The following CRHR2 variants were observed in gnomAD, a reference collection of about 807,000 sequenced individuals.
CRHR2 encodes corticotropin-releasing hormone receptor 2.
Under a neutral mutation model 57.9 loss-of-function variants are expected in CRHR2, and 53 were observed. The observed-to-expected ratio is 0.92, with a 90% confidence interval of 0.73 to 1.15. The LOEUF (loss-of-function observed/expected upper bound fraction) is 1.15, where lower values mean the gene tolerates loss of function less well. CRHR2 is among the 50% of genes most tolerant of loss of function. The pLI, the probability that CRHR2 is intolerant of heterozygous loss-of-function variation, is 0.00. For synonymous variants in CRHR2, 213 were observed against 220.9 expected (o/e 0.96, Z 0.32); for missense variants, 532 against 542.6 (o/e 0.98, Z 0.19).
At position 30,682,340 on chromosome 7, in the gene CRHR2, G is replaced by GCC; in HGVS notation, c.-61_-60insGG. ...AGTGCGCGCCCGGCGTGACTGCGAG[G>GCC]GAGTGGACGCGAGAGTGAGCGGCCG... On this transcript the variant is annotated 5_prime_UTR_variant, in exon 1 of 12. Transcript: ENST00000471646. The GCC allele has an allele frequency of 6.8e-7, 1 of 1,468,346 alleles. No homozygotes were observed. The highest frequency in any genetic ancestry group is 9.0e-7 in the Non-Finnish European group (1 of 1,112,146). The allele number at this position is 1,468,346 out of a possible 1,614,324, so 91.0% of individuals were successfully genotyped here.
At chr7:30,669,342 C>T (rs1463152933) in intron 2 of CRHR2, among the ~76,000 whole-genome samples, 2 of 152,144 alleles carry the variant, frequency 1.3e-5, no homozygotes, top group Non-Finnish European at 2.9e-5. Flanking sequence ...CCATGACCAG[C>T]CTGGAGCTGT....
At chr7:30,672,069 A>AAGGTTGGGG (rs1784380409) in intron 2 of CRHR2, among the ~76,000 whole-genome samples, 1 of 152,206 alleles carries the variant, frequency 6.6e-6, no homozygotes, top group Non-Finnish European at 1.5e-5. Context: ...GCCTATCTCT[A>AAGGTTGGGG]AGGTTGGGGA....
intron 2 of CRHR2, among the ~76,000 whole-genome samples, chr7:30,670,698 T>C (rs574901251): frequency 4.6e-5 from 7 of 152,186 alleles, no homozygotes; most frequent in Non-Finnish European, 1.0e-4. Flanking sequence ...AGAAAGAATC[T>C]CATCCACCCC....
intron 2 of CRHR2, among the ~76,000 whole-genome samples, chr7:30,679,144 C>G (rs958184407): frequency 6.6e-6 from 1 of 152,216 alleles, no homozygotes; most frequent in Non-Finnish European, 1.5e-5. Flanking sequence ...TCTCCTGTGC[C>G]TATTACACTC....
chr7:30,682,088 C>G (rs769459689), intron 1 of CRHR2, 48 bp from the exon 2 acceptor site: 3 of 1,545,960 alleles, frequency 1.9e-6, no homozygotes, highest in South Asian at 1.2e-5. Flanking sequence ...CCCGCAGGGA[C>G]GCGGGGCTCT....
At position 30,655,628 on chromosome 7, in the gene CRHR2, C is replaced by G; in HGVS notation, c.1005G>C (p.Leu335=). The stretch of plus-strand genomic sequence containing the variant: ...TGAAATAGATGAACATGATCTGTGA[C>G]AGGTCGTCCTCCCCGGGATTGACGA... ...LFFVNPGEDD[L]SQIMFIYFNS... is the part of the protein sequence containing the mutation. The change falls in exon 10 of 12, where the codon CTG becomes CTC. Residue 335 remains leucine (L), a synonymous_variant. Coordinates refer to ENST00000471646, the MANE Select transcript of CRHR2 (RefSeq NM_001883.5). 2 of 1,614,150 alleles carry G rather than the reference C, an allele frequency of 1.2e-6. No homozygotes were observed. The highest frequency in any genetic ancestry group is 1.7e-6 in the Non-Finnish European group (2 of 1,179,992).
chr7:30,672,705 G>A (rs1784403839), intron 2 of CRHR2, among the ~76,000 whole-genome samples: 1 of 152,250 alleles, frequency 6.6e-6, no homozygotes, highest in African/African-American at 2.4e-5. Flanking sequence ...GGGGAGGGGT[G>A]TCAGTCTCAA....
chr7:30,663,716 T>C (rs951110524), intron 5 of CRHR2, among the ~76,000 whole-genome samples: 6 of 152,182 alleles, frequency 3.9e-5, no homozygotes, highest in Non-Finnish European at 8.8e-5. Flanking sequence ...GGTCTAGACA[T>C]TGGGCTTCCA....
chr7:30,680,637 TCTTA>T (rs1784669083), intron 2 of CRHR2, among the ~76,000 whole-genome samples: 1 of 152,010 alleles, frequency 6.6e-6, no homozygotes, highest in Admixed American at 6.5e-5. Context: ...AGCTTGGGGA[TCTTA>T]CTTCCTTCTA....
intron 6 of CRHR2, 94 bp from the exon 7 acceptor site, chr7:30,662,310 T>C (rs1784035129): frequency 6.2e-6 from 9 of 1,440,350 alleles, no homozygotes; most frequent in Non-Finnish European, 8.7e-6. Flanking sequence ...GCTAGGATCA[T>C]GTTTTTACTC....
intron 2 of CRHR2, among the ~76,000 whole-genome samples, chr7:30,671,395 T>A (rs1406205715): frequency 6.6e-6 from 1 of 151,888 alleles, no homozygotes; most frequent in East Asian, 1.9e-4. Flanking sequence ...TTGGTGGTAG[T>A]TTTGGGGGAA....
At position 30,653,619 on chromosome 7, in the gene CRHR2, C is replaced by A; in HGVS notation, c.1096-19G>T. The A allele has an allele frequency of 6.3e-7, 1 of 1,597,578 alleles. No homozygotes were observed. The highest frequency in any genetic ancestry group is 8.5e-7 in the Non-Finnish European group (1 of 1,174,862). On this transcript the variant is annotated intron_variant, in intron 11 of 11. Transcript: ENST00000471646. The surrounding 1 kb of genome is among the most constrained non-coding windows in gnomAD (Gnocchi z 5.0). ...AGCGCACCTGTGGGGAAGGCAGAGGCTCAGCTGGCTCCCAGGGACCAACCC... is the reference window on the plus strand; with the variant it reads ...AGCGCACCTGTGGGGAAGGCAGAGGATCAGCTGGCTCCCAGGGACCAACCC...
chr7:30,667,440 A>T (rs1330602711), intron 2 of CRHR2, 127 bp from the exon 3 acceptor site: 1 of 676,418 alleles, frequency 1.5e-6, no homozygotes, highest in African/African-American at 1.8e-5. Flanking sequence ...TACAATGTGC[A>T]TCTGAAAGTT....
At position 30,653,643 on chromosome 7, in the gene CRHR2, C is replaced by T; in HGVS notation, c.1096-43G>A. ...GCTCAGCTGGCTCCCAGGGACCAAC[C>T]CTGGGCTTCTGGGACCATCCCCTCC... On this transcript the variant is annotated intron_variant, in intron 11 of 11. Coordinates refer to ENST00000471646, the MANE Select transcript of CRHR2 (RefSeq NM_001883.5). This position sits in a 1 kb window ranked among gnomAD's most constrained non-coding sequence, Gnocchi z 5.0. 6.4e-7 allele frequency: 1 copy of T among 1,565,512 alleles called. No individual in the cohort carries two copies. The highest frequency in any genetic ancestry group is 8.6e-7 in the Non-Finnish European group (1 of 1,161,632).
chr7:30,695,433 C>T (rs1248322253), intron 1 of CRHR2, among the ~76,000 whole-genome samples: 1 of 152,114 alleles, frequency 6.6e-6, no homozygotes, highest in Non-Finnish European at 1.5e-5. Context: ...GGCCTCTCCT[C>T]ATTCTGCTGT....
At chr7:30,661,789 T>C (rs1043076982) in intron 7 of CRHR2, among the ~76,000 whole-genome samples, 3 of 152,016 alleles carry the variant, frequency 2.0e-5, no homozygotes, top group African/African-American at 7.2e-5. Context: ...TCATGGACTC[T>C]TTAAATGCTC....
rs139890414 is a variant in CRHR2 at position 30,681,964 on chromosome 7, C to T, written c.180G>A (p.Val60=). 57 of 1,611,488 alleles carry T rather than the reference C, an allele frequency of 3.5e-5. No homozygotes were observed. Among genetic ancestry groups the T allele is most frequent in the Non-Finnish European group, 4.5e-5 (53 of 1,179,316 alleles). The change falls in exon 2 of 12, where the codon GTG becomes GTA. Residue 60 remains valine (V), a synonymous_variant. Transcript: ENST00000471646. ...CWPRSAAGAL[V]ERPCPEYFNG... ...TGAAGTACTCGGGGCACGGCCTCTCCACGAGGGCTCCGGCAGCGCTGCGGG... is the reference window on the plus strand; with the variant it reads ...TGAAGTACTCGGGGCACGGCCTCTCTACGAGGGCTCCGGCAGCGCTGCGGG...
At chr7:30,692,660 G>A (rs1246013223) in intron 1 of CRHR2, among the ~76,000 whole-genome samples, 1 of 152,172 alleles carries the variant, frequency 6.6e-6, no homozygotes, top group East Asian at 1.9e-4. Context: ...AGAAGAAGAG[G>A]GGAGACAGGC....
intron 7 of CRHR2, among the ~76,000 whole-genome samples, chr7:30,660,878 T>C (rs543204464): frequency 2.0e-4 from 31 of 152,334 alleles, no homozygotes; most frequent in South Asian, 4.1e-4. Flanking sequence ...GGACAGGCCA[T>C]GGGTCTCTTT....
Sources: gnomAD v4.1 joint callset for allele counts (sites outside exome capture counted in the v4.1 genomes callset) on GRCh38, gnomAD v4.1.1 for gene constraint, Gnocchi (gnomAD v3.1) non-coding constraint, MANE v1.5 for transcripts, NCBI Gene and HGNC (gene_info 2026-07-23, HGNC 2026-07-21) for gene names.